NEK7: variants seen among roughly 807,000 people sequenced by gnomAD.
The protein encoded by NEK7 is serine/threonine-protein kinase Nek7.
NEK7 carries 18 observed loss-of-function variants against 44.6 expected under a neutral mutation model. That is an observed-to-expected ratio of 0.40 (90% CI 0.28 to 0.60). The LOEUF (loss-of-function observed/expected upper bound fraction) is 0.60. Among genes scored for constraint, NEK7 ranks in the 20% least tolerant of loss-of-function variants. NEK7 has a pLI of 0.38. For missense variants in NEK7, 256 were observed against 366.5 expected (o/e 0.70, Z 2.46); for synonymous variants, 130 against 121.1 (o/e 1.07, Z -0.48).
intron 3 of NEK7, among the ~76,000 whole-genome samples, chr1:198,260,105 G>A (rs907238152): frequency 6.6e-6 from 1 of 152,002 alleles, no homozygotes; most frequent in Non-Finnish European, 1.5e-5. Flanking sequence ...AGAAAGGGTG[G>A]GCATTAACAG....
chr1:198,229,501 G>A (rs1666325291), intron 1 of NEK7, among the ~76,000 whole-genome samples: 1 of 152,180 alleles, frequency 6.6e-6, no homozygotes, highest in African/African-American at 2.4e-5. Context: ...TGGAAAGGGG[G>A]CGGTGGTCTT....
chr1:198,306,752 G>C (rs1259149314), intron 9 of NEK7, among the ~76,000 whole-genome samples: 1 of 151,970 alleles, frequency 6.6e-6, no homozygotes, highest in Non-Finnish European at 1.5e-5. Context: ...CTTAGTCTGT[G>C]GTTGTTTATA....
intron 2 of NEK7, among the ~76,000 whole-genome samples, chr1:198,232,909 C>T (rs12095001): frequency 0.029 from 4,325 of 151,166 alleles, 198 homozygotes; most frequent in African/African-American, 0.099. Context: ...TGATACAGTA[C>T]AATTGCACAT....
chr1:198,272,667 A>G (rs1653892391), intron 5 of NEK7, among the ~76,000 whole-genome samples: 1 of 151,860 alleles, frequency 6.6e-6, no homozygotes, highest in Non-Finnish European at 1.5e-5. Flanking sequence ...CAATAGAGAA[A>G]ACATTTTAAG....
chr1:198,315,936 TG>T (rs1336103781), intron 9 of NEK7, among the ~76,000 whole-genome samples: 1 of 152,048 alleles, frequency 6.6e-6, no homozygotes, highest in Non-Finnish European at 1.5e-5. Flanking sequence ...AGCATGTTGG[TG>T]GTTATTGAAG....
At chr1:198,297,276 C>T in intron 9 of NEK7, 36 bp downstream of exon 9, 1 of 1,606,736 alleles carries the variant, frequency 6.2e-7, no homozygotes, top group Non-Finnish European at 8.5e-7. Flanking sequence ...CTTCTGTTGT[C>T]CATTTTGCTA....
At chr1:198,314,502 A>T (rs1231997426) in intron 9 of NEK7, among the ~76,000 whole-genome samples, 2 of 151,982 alleles carry the variant, frequency 1.3e-5, no homozygotes, top group Non-Finnish European at 2.9e-5. Context: ...GGAGGAGGAG[A>T]GGCGCTCTGC....
chr1:198,244,407 A>G (rs1321546484), intron 2 of NEK7, among the ~76,000 whole-genome samples: 1 of 152,140 alleles, frequency 6.6e-6, no homozygotes, highest in Non-Finnish European at 1.5e-5. Flanking sequence ...CCTTGCCTTC[A>G]AATTTAAAGC....
intron 2 of NEK7, among the ~76,000 whole-genome samples, chr1:198,239,713 G>C (rs982059819): frequency 6.6e-6 from 1 of 152,068 alleles, no homozygotes; most frequent in Middle Eastern, 3.4e-3. Flanking sequence ...ATCTCTAACT[G>C]AAAGTTAATT....
chr1:198,188,719 G>A (rs907162036), intron 1 of NEK7, among the ~76,000 whole-genome samples: 4 of 152,060 alleles, frequency 2.6e-5, no homozygotes, highest in African/African-American at 7.2e-5. Context: ...ATAAGAATAG[G>A]TATTTTTCAA....
chr1:198,229,708 G>A (rs7514311), intron 1 of NEK7, among the ~76,000 whole-genome samples: 30,124 of 152,032 alleles, frequency 0.2, 3,561 homozygotes, highest in African/African-American at 0.31. Context: ...AACACAGTTT[G>A]TGGCTTTTTT....
chr1:198,261,362 CT>C (rs1653463991), intron 3 of NEK7, among the ~76,000 whole-genome samples: 1 of 151,896 alleles, frequency 6.6e-6, no homozygotes, highest in South Asian at 2.1e-4. Context: ...ATTATTTAAT[CT>C]TTTTGAGCCT....
intron 2 of NEK7, 60 bp from the exon 3 acceptor site, chr1:198,252,980 A>G (rs1653123863): frequency 7.3e-7 from 1 of 1,377,264 alleles, no homozygotes; most frequent in Non-Finnish European, 1.0e-6. Context: ...ATGATCAGTG[A>G]TTGTGTGTAT....
intron 2 of NEK7, among the ~76,000 whole-genome samples, chr1:198,252,554 A>ATATATG (rs1459360442): frequency 7.3e-5 from 5 of 68,646 alleles, no homozygotes; most frequent in South Asian, 1.5e-3. Context: ...ATATATATAT[A>ATATATG]TATATATATA....
chr1:198,256,508 A>G, intron 3 of NEK7: 1 of 1,552,278 alleles, frequency 6.4e-7, no homozygotes, highest in Non-Finnish European at 8.7e-7. Flanking sequence ...CTTAACTAAT[A>G]AAACAATTTT....
intron 9 of NEK7, among the ~76,000 whole-genome samples, chr1:198,303,282 T>C (rs1654939299): frequency 1.3e-5 from 2 of 152,200 alleles, no homozygotes. Flanking sequence ...ACTAATACTT[T>C]GTTTTCAAAT....
At chr1:198,275,732 C>A (rs574794096) in intron 5 of NEK7, among the ~76,000 whole-genome samples, 2 of 151,094 alleles carry the variant, frequency 1.3e-5, no homozygotes, top group African/African-American at 4.8e-5. Flanking sequence ...AAAAAGAATT[C>A]GAATTTTCAT....
At chr1:198,259,221 G>T (rs1653374210) in intron 3 of NEK7, among the ~76,000 whole-genome samples, 1 of 151,966 alleles carries the variant, frequency 6.6e-6, no homozygotes, top group African/African-American at 2.4e-5. Context: ...TTTCTATCTT[G>T]ATATGTTGTA....
chr1:198,167,930 G>T (rs1664319817), intron 1 of NEK7, among the ~76,000 whole-genome samples: 1 of 152,156 alleles, frequency 6.6e-6, no homozygotes, highest in African/African-American at 2.4e-5. Context: ...CTTGTCAGTA[G>T]ATACAAGCCT....
Sources: gnomAD v4.1 joint callset for allele counts (sites outside exome capture counted in the v4.1 genomes callset) on GRCh38, gnomAD v4.1.1 for gene constraint, MANE v1.5 for transcripts, NCBI Gene and HGNC (gene_info 2026-07-23, HGNC 2026-07-21) for gene names.